Variants in PIP4K2A observed in about 807,000 individuals in gnomAD.
PIP4K2A encodes the protein phosphatidylinositol-5-phosphate 4-kinase type 2 alpha, also known as phosphatidylinositol 5-phosphate 4-kinase type-2 alpha.
Under a neutral mutation model 42.9 loss-of-function variants are expected in PIP4K2A, and 14 were observed. The observed-to-expected ratio is 0.33, with a 90% confidence interval of 0.22 to 0.51. The LOEUF is 0.51. Among genes scored for constraint, PIP4K2A ranks in the 20% least tolerant of loss-of-function variants. The pLI is 0.97. For synonymous variants in PIP4K2A, 192 were observed against 192.2 expected, an observed-to-expected ratio of 1.00 and a Z score of 0.01; for missense variants, 434 against 519.8, an observed-to-expected ratio of 0.83 and a Z score of 1.61.
intron 1 of PIP4K2A, among the ~76,000 whole-genome samples, chr10:22,676,041 T>G (rs1408564736): frequency 1.3e-5 from 2 of 152,196 alleles, no homozygotes; most frequent in African/African-American, 4.8e-5. Flanking sequence ...ATGGAGCTCC[T>G]TTTCCTTTTT....
At chr10:22,543,843 C>G (rs927591492) in intron 7 of PIP4K2A, among the ~76,000 whole-genome samples, 5 of 152,146 alleles carry the variant, frequency 3.3e-5, no homozygotes, top group Admixed American at 3.3e-4. Context: ...TATACATGGG[C>G]CTGTGGATGT....
intron 1 of PIP4K2A, among the ~76,000 whole-genome samples, chr10:22,676,662 TGAATCAGA>T (rs1410378217): frequency 6.6e-6 from 1 of 152,146 alleles, no homozygotes; most frequent in African/African-American, 2.4e-5. Context: ...TTCCTGCTGA[TGAATCAGA>T]GAACAAGAAG....
At chr10:22,666,993 AATTAAT>A (rs1210050905) in intron 1 of PIP4K2A, among the ~76,000 whole-genome samples, 1 of 152,238 alleles carries the variant, frequency 6.6e-6, no homozygotes, top group African/African-American at 2.4e-5. Context: ...ATCACTTTCC[AATTAAT>A]ATTAATAACT....
At chr10:22,561,563 C>T (rs1185664660) in intron 6 of PIP4K2A, among the ~76,000 whole-genome samples, 1 of 115,558 alleles carries the variant, frequency 8.7e-6, no homozygotes, top group Non-Finnish European at 1.7e-5. Flanking sequence ...ATTCTCTACG[C>T]AGTTTTTTTT....
At chr10:22,614,847 T>G (rs749214107) in intron 1 of PIP4K2A, among the ~76,000 whole-genome samples, 2 of 152,222 alleles carry the variant, frequency 1.3e-5, no homozygotes, top group Non-Finnish European at 2.9e-5. Context: ...TGTCTCTAGT[T>G]CAAATTTTGG....
At chr10:22,582,978 T>C (rs1221466089) in intron 4 of PIP4K2A, among the ~76,000 whole-genome samples, 2 of 152,112 alleles carry the variant, frequency 1.3e-5, no homozygotes, top group African/African-American at 4.8e-5. Flanking sequence ...TTACTGCTTT[T>C]CTTAATTAAG....
chr10:22,679,079 G>A, intron 1 of PIP4K2A, among the ~76,000 whole-genome samples: 1 of 152,196 alleles, frequency 6.6e-6, no homozygotes, highest in Non-Finnish European at 1.5e-5. Context: ...CAAACTAGAG[G>A]AAGTGGACTA....
At chr10:22,630,093 T>C (rs137958836) in intron 1 of PIP4K2A, among the ~76,000 whole-genome samples, 2 of 151,790 alleles carry the variant, frequency 1.3e-5, no homozygotes, top group African/African-American at 4.8e-5. Context: ...TCCCAGCATG[T>C]TGGGAAGGCC....
At chr10:22,663,406 ATGGTTGGT>A (rs1425805192) in intron 1 of PIP4K2A, among the ~76,000 whole-genome samples, 1 of 152,178 alleles carries the variant, frequency 6.6e-6, no homozygotes, top group Non-Finnish European at 1.5e-5. Flanking sequence ...TAATTTCCAT[ATGGTTGGT>A]TGTTTGGCTT....
At chr10:22,580,535 G>T (rs879167764) in intron 4 of PIP4K2A, among the ~76,000 whole-genome samples, 2 of 150,530 alleles carry the variant, frequency 1.3e-5, no homozygotes, top group Admixed American at 1.3e-4. Context: ...TGTACTGGGG[G>T]TACCACAATG....
chr10:22,638,454 A>G (rs1204233487), intron 1 of PIP4K2A, among the ~76,000 whole-genome samples: 1 of 152,188 alleles, frequency 6.6e-6, no homozygotes, highest in African/African-American at 2.4e-5. Context: ...TTCCTGACTT[A>G]AATTATTATT....
At chr10:22,588,127 C>T (rs928397131) in intron 4 of PIP4K2A, among the ~76,000 whole-genome samples, 1 of 152,154 alleles carries the variant, frequency 6.6e-6, no homozygotes, top group African/African-American at 2.4e-5. Flanking sequence ...GGCATGTCCA[C>T]CTTTAATGGT....
chr10:22,620,213 T>C (rs1452312676), intron 1 of PIP4K2A, among the ~76,000 whole-genome samples: 2 of 152,210 alleles, frequency 1.3e-5, no homozygotes, highest in Non-Finnish European at 2.9e-5. Context: ...GTCAACTTCA[T>C]ACAAAAGAAT....
At chr10:22,542,535 G>A (rs1482994340) in intron 7 of PIP4K2A, among the ~76,000 whole-genome samples, 1 of 152,234 alleles carries the variant, frequency 6.6e-6, no homozygotes, top group Non-Finnish European at 1.5e-5. Flanking sequence ...ATAAGTAAAA[G>A]TAAAGGCACT....
intron 7 of PIP4K2A, among the ~76,000 whole-genome samples, chr10:22,542,992 G>A (rs1836163646): frequency 6.6e-6 from 1 of 152,190 alleles, no homozygotes. Flanking sequence ...CCACCTCGCT[G>A]GGGAATGCAG....
At position 22,536,455 on chromosome 10, in the gene PIP4K2A, G is replaced by A. The variant is rs1331429670; in HGVS notation, c.*746C>T. The A allele has an allele frequency of 4.7e-6, 1 of 212,036 alleles. No homozygotes were observed. The highest frequency in any genetic ancestry group is 2.3e-5 in the African/African-American group (1 of 44,032). The allele number at this position is 212,036 out of a possible 1,614,324, so 13.1% of individuals were successfully genotyped here. ...ATCACTGGGGCATCAGCTGCTTGTT[G>A]CGGGAGGGGTGGGGGCTCTGGACAC... On this transcript the variant is annotated 3_prime_UTR_variant, in exon 10 of 10. Coordinates refer to ENST00000376573, the MANE Select transcript of PIP4K2A (RefSeq NM_005028.5).
In PIP4K2A at chr10:22,606,145, C is replaced by CA. The variant is rs5783802; in HGVS notation, c.339+1781dup. On this transcript the variant is annotated intron_variant, in intron 3 of 9. Coordinates refer to ENST00000376573, the MANE Select transcript of PIP4K2A (RefSeq NM_005028.5). Reference sequence around the variant, plus strand: ...AACATAGTGAGACCCCAATCTCTACCAAAAAAAAAAAAAAAATTAGCTGGG... The same window carrying CA: ...AACATAGTGAGACCCCAATCTCTACCAAAAAAAAAAAAAAAAATTAGCTGGG... Among the ~76,000 whole-genome samples the CA allele has an allele frequency of 2.6e-4, 36 of 140,542 alleles. 1 individual carries two copies. The highest frequency in any genetic ancestry group is 8.8e-4 in the South Asian group (4 of 4,532). 92.2% of individuals were successfully genotyped at this position (140,542 alleles called of 152,430 possible). A position where few individuals can be genotyped will look rare whatever the true frequency, so the allele number is the denominator to read the frequency against.
chr10:22,582,780 CAAAT>C (rs1224854682), intron 4 of PIP4K2A, among the ~76,000 whole-genome samples: 5 of 150,718 alleles, frequency 3.3e-5, no homozygotes, highest in African/African-American at 1.2e-4. Context: ...GTACAATGAC[CAAAT>C]AAATAAATAA....
intron 1 of PIP4K2A, among the ~76,000 whole-genome samples, chr10:22,640,199 A>C (rs1271122245): frequency 2.6e-5 from 4 of 152,172 alleles, no homozygotes; most frequent in Non-Finnish European, 5.9e-5. Context: ...TGAAATTGTT[A>C]ATTTTAGAAT....
Sources: gnomAD v4.1 joint callset for allele counts (sites outside exome capture counted in the v4.1 genomes callset) on GRCh38, gnomAD v4.1.1 for gene constraint, MANE v1.5 for transcripts, NCBI Gene and HGNC (gene_info 2026-07-23, HGNC 2026-07-21) for gene names.